Variants in CCDC150 observed in about 807,000 individuals in gnomAD.
CCDC150 encodes the protein coiled-coil domain-containing protein 150.
CCDC150 carries 151 observed loss-of-function variants against 156.5 expected under a neutral mutation model. The ratio of observed to expected loss-of-function variants is 0.97; its 90% CI spans 0.85 to 1.10. The LOEUF (loss-of-function observed/expected upper bound fraction) is 1.10, where lower values mean the gene tolerates loss of function less well. CCDC150 is among the 50% of genes least tolerant of loss of function. CCDC150 has a pLI of 0.00. For synonymous variants in CCDC150, 452 were observed against 429.4 expected, an observed-to-expected ratio of 1.05 and a Z score of -0.65; for missense variants, 1,312 against 1,268.1, an observed-to-expected ratio of 1.03 and a Z score of -0.53.
chr2:196,704,252 G>A (rs1696436465), intron 15 of CCDC150, among the ~76,000 whole-genome samples: 1 of 152,178 alleles, frequency 6.6e-6, no homozygotes, highest in African/African-American at 2.4e-5. Context: ...GCTGCCTCAT[G>A]TTCAAACATG....
intron 22 of CCDC150, 52 bp from the exon 23 acceptor site, chr2:196,729,141 C>A: frequency 2.1e-6 from 3 of 1,457,096 alleles, no homozygotes; most frequent in African/African-American, 1.4e-5. Flanking sequence ...ACTAAGTAAG[C>A]TTCTCTTAAT....
chr2:196,729,806 A>G lies in CCDC150; in HGVS notation c.2765A>G (p.Glu922Gly). The G allele has an allele frequency of 6.3e-7, 1 of 1,577,580 alleles. No individual in the cohort carries two copies. Among genetic ancestry groups the G allele is most frequent in the Non-Finnish European group, 8.7e-7 (1 of 1,154,574 alleles). The change falls in exon 24 of 28, where the codon GAA becomes GGA. Residue 922 changes from glutamate (E) to glycine (G), a missense_variant. Coordinates refer to ENST00000389175, the MANE Select transcript of CCDC150 (RefSeq NM_001080539.2). Reference protein sequence around the residue: ...NIERMKQIEKELKQMELIKDQ... With the variant: ...NIERMKQIEKGLKQMELIKDQ... ...AATTACTTTTAGCAAATAGAAAAAG[A>G]ATTGAAGCAAATGGAGCTAATTAAG...
chr2:196,725,980 A>T lies in CCDC150; in HGVS notation c.2437A>T (p.Met813Leu), dbSNP rs762322633. The change falls in exon 22 of 28, where the codon ATG (methionine) becomes TTG (leucine). Residue 813 changes from methionine (M) to leucine (L), a missense_variant. Coordinates refer to ENST00000389175, the MANE Select transcript of CCDC150 (RefSeq NM_001080539.2). ...CTCTCTTCTTCAAAACAGAGACCGG[A>T]TGACTGAAGAGTCCAAAGTGGAAGC... ...RQNLETFKDR[M>L]TEESKVEAEL... The T allele has an allele frequency of 5.0e-6, 8 of 1,596,422 alleles. No homozygotes were observed. In the African/African-American group the frequency reaches 9.4e-5, roughly 19 times the overall value.
rs1693226907 is a variant in CCDC150, at chr2:196,656,856, A to G, written c.397+3A>G. On this transcript the variant is annotated splice_donor_region_variant and intron_variant, in intron 3 of 27. Coordinates refer to ENST00000389175, the MANE Select transcript of CCDC150 (RefSeq NM_001080539.2). ...GGATTTGAATCCTCAGAAAACAGGT[A>G]TAGAGATAAGAATCATCAGAAATGT... 4 of 1,613,244 alleles carry G rather than the reference A, an allele frequency of 2.5e-6. No homozygotes were observed. The highest frequency in any genetic ancestry group is 1.7e-5 in the Admixed American group (1 of 59,962).
intron 17 of CCDC150, among the ~76,000 whole-genome samples, chr2:196,716,533 A>G (rs1465502737): frequency 6.6e-6 from 1 of 152,256 alleles, no homozygotes; most frequent in Non-Finnish European, 1.5e-5. Flanking sequence ...ATAAAATTCT[A>G]GAAAATACAA....
intron 10 of CCDC150, among the ~76,000 whole-genome samples, chr2:196,675,036 T>C (rs1575808010): frequency 6.6e-6 from 1 of 152,036 alleles, no homozygotes; most frequent in East Asian, 1.9e-4. Flanking sequence ...TAGTAAGAGG[T>C]AGAGTTGTGT....
Position 196,665,614 on chromosome 2 carries a change from G to A in CCDC150, c.693G>A (p.Glu231=). The change falls in exon 6 of 28, where the codon GAG becomes GAA. Residue 231 remains glutamate (E), a synonymous_variant. Transcript: ENST00000389175. ...AGAAGTACCTTAGGGAATCTTTAGA[G>A]AAATCAGCATCAGCCATGCTCCTCA... is the stretch of plus-strand genomic sequence containing the variant. ...AQEKYLRESL[E]KSASAMLLKI... 4.4e-6 allele frequency: 7 copies of A among 1,606,276 alleles called. No homozygotes were observed. Among genetic ancestry groups the A allele is most frequent in the Non-Finnish European group, 5.9e-6 (7 of 1,176,574 alleles).
chr2:196,671,502 A>G (rs1194195992), intron 8 of CCDC150, among the ~76,000 whole-genome samples: 1 of 134,496 alleles, frequency 7.4e-6, no homozygotes, highest in Non-Finnish European at 1.5e-5. Flanking sequence ...CTATCAGCTC[A>G]CTGCAACCTC....
intron 17 of CCDC150, chr2:196,713,263 T>G: frequency 1.4e-6 from 2 of 1,386,246 alleles, no homozygotes. Context: ...CGGCTCCTTC[T>G]AGAACACTGT....
At chr2:196,684,659 A>G (rs887627566) in intron 13 of CCDC150, among the ~76,000 whole-genome samples, 2 of 152,106 alleles carry the variant, frequency 1.3e-5, no homozygotes, top group African/African-American at 2.4e-5. Flanking sequence ...GAAGTCTCCA[A>G]CTATTACTGT....
Position 196,728,699 on chromosome 2 carries a change from G to A in CCDC150, c.2557-494G>A, listed in dbSNP as rs564527965. On this transcript the variant is annotated intron_variant, in intron 22 of 27. Coordinates refer to ENST00000389175, the MANE Select transcript of CCDC150 (RefSeq NM_001080539.2). ...TCATTTTCATTTCTTCAGACATGAG[G>A]TTGCAAGTGACAGAGAAGAGCTTAT... Among the ~76,000 whole-genome samples the A allele has an allele frequency of 7.9e-5, 12 of 152,294 alleles. No individual in the cohort carries two copies. In the South Asian group the frequency reaches 2.5e-3, roughly 32 times the overall value.
At chr2:196,665,448 A>G (rs922288758) in intron 5 of CCDC150, 119 bp from the exon 6 acceptor site, 4 of 493,662 alleles carry the variant, frequency 8.1e-6, no homozygotes, top group Non-Finnish European at 1.4e-5. Context: ...AGTAGTCATA[A>G]ATGAATTAAG....
At position 196,665,599 on chromosome 2, in the gene CCDC150, T is replaced by C; in HGVS notation, c.678T>C (p.Leu226=). The C allele has an allele frequency of 6.2e-7, 1 of 1,604,942 alleles. No homozygotes were observed. The highest frequency in any genetic ancestry group is 1.3e-5 in the African/African-American group (1 of 74,868). Residue 226 remains leucine (L), a synonymous_variant, in exon 6 of 28, where the codon CTT becomes CTC. Coordinates refer to ENST00000389175, the MANE Select transcript of CCDC150 (RefSeq NM_001080539.2). ...LRRQLAQEKY[L]RESLEKSASA... ...GACAACTGGCTCAGGAGAAGTACCT[T>C]AGGGAATCTTTAGAGAAATCAGCAT...
Position 196,657,107 on chromosome 2 carries a change from G to A in CCDC150, c.547G>A (p.Ala183Thr), listed in dbSNP as rs371236615. The A allele has an allele frequency of 9.9e-6, 16 of 1,613,684 alleles. No homozygotes were observed. Among genetic ancestry groups the A allele is most frequent in the Non-Finnish European group, 1.1e-5 (13 of 1,179,742 alleles). ...KAQDEVQRLT[A>T]TLKIASQTKK... ...ACAAGATGAGGTGCAAAGGTTGACT[G>A]CCACTCTGAAGATTGCCTCGCAGAC... is the stretch of plus-strand genomic sequence containing the variant. The change falls in exon 4 of 28, where the codon GCC (alanine) becomes ACC (threonine). Residue 183 changes from alanine to threonine, a missense_variant. By Grantham distance (58) the Ala-to-Thr change is moderately conservative. Coordinates refer to ENST00000389175, the MANE Select transcript of CCDC150 (RefSeq NM_001080539.2).
In CCDC150 at chr2:196,677,327, G is replaced by A. The variant is rs1265320562; in HGVS notation, c.1475G>A (p.Arg492Lys). The A allele has an allele frequency of 6.4e-7, 1 of 1,569,102 alleles. No individual in the cohort carries two copies. The highest frequency in any genetic ancestry group is 1.2e-5 in the South Asian group (1 of 85,130). Reference sequence around the variant, plus strand: ...ACAGAAAAAGAAATAGTGCAAGAAAGATGCAATTTGGAAAAGGAATTAGCT... The same window carrying A: ...ACAGAAAAAGAAATAGTGCAAGAAAAATGCAATTTGGAAAAGGAATTAGCT... ...NKTEKEIVQERCNLEKELAKN... is the reference protein window; with the variant it reads ...NKTEKEIVQEKCNLEKELAKN... The change falls in exon 13 of 28, where the codon AGA (arginine) becomes AAA (lysine). Residue 492 changes from arginine to lysine, a missense_variant. Coordinates refer to ENST00000389175, the MANE Select transcript of CCDC150 (RefSeq NM_001080539.2).
At chr2:196,726,749 T>C (rs1698230534) in intron 22 of CCDC150, 1 of 152,356 alleles carries the variant, frequency 6.6e-6, no homozygotes, top group Admixed American at 6.5e-5. Flanking sequence ...ACAGGACATG[T>C]GAGCAGATGA....
chr2:196,643,496 C>A lies in CCDC150; in HGVS notation c.13-2845C>A, dbSNP rs115679746. On this transcript the variant is annotated intron_variant, in intron 1 of 27. Coordinates refer to ENST00000389175, the MANE Select transcript of CCDC150 (RefSeq NM_001080539.2). The stretch of plus-strand genomic sequence containing the variant: ...TGAATGTACACATGTCCTGGAGAGC[C>A]AATGTAAGCATTTAATACAGATCAT... Among the ~76,000 whole-genome samples the A allele has an allele frequency of 6.2e-3, 947 of 152,216 alleles. 5 individuals carry two copies. Among genetic ancestry groups the A allele is most frequent in the African/African-American group, 0.022 (893 of 41,518 alleles).
chr2:196,673,542 T>C (rs1694328934), intron 9 of CCDC150, among the ~76,000 whole-genome samples: 1 of 152,192 alleles, frequency 6.6e-6, no homozygotes, highest in Non-Finnish European at 1.5e-5. Context: ...TCTTTTCTTT[T>C]ACTCCATTTT....
Position 196,676,138 on chromosome 2 carries a change from C to G in CCDC150, c.1138-5C>G. The G allele has an allele frequency of 1.9e-6, 3 of 1,613,260 alleles. No individual in the cohort carries two copies. The highest frequency in any genetic ancestry group is 2.2e-5 in the East Asian group (1 of 44,860). On this transcript the variant is annotated splice_polypyrimidine_tract_variant and splice_region_variant and intron_variant, in intron 10 of 27. Coordinates refer to ENST00000389175, the MANE Select transcript of CCDC150 (RefSeq NM_001080539.2). ...TCAACTTCTAATATTGCTTTTAACA[C>G]TCAGGTAGAGCAGAAAATGATGACG...
Sources: allele counts gnomAD v4.1 joint callset (sites outside exome capture counted in the v4.1 genomes callset), GRCh38; gene constraint gnomAD v4.1.1; transcripts MANE v1.5; gene names NCBI Gene and HGNC (gene_info 2026-07-23, HGNC 2026-07-21).